CCDC91: variants seen among roughly 807,000 people sequenced by gnomAD.
CCDC91 encodes coiled-coil domain containing 91.
In CCDC91, 48 loss-of-function variants were observed where a neutral mutation model predicts 63.2. The ratio of observed to expected loss-of-function variants is 0.76; its 90% CI spans 0.60 to 0.97. The LOEUF is 0.97. Among genes scored for constraint, CCDC91 ranks in the 50% least tolerant of loss-of-function variants. CCDC91 has a pLI of 0.00. For synonymous variants in CCDC91, 167 were observed against 165.8 expected (o/e 1.01, Z -0.06); for missense variants, 500 against 494.6 (o/e 1.01, Z -0.10).
At chr12:28,473,960 G>C (rs1205289621) in intron 11 of CCDC91, among the ~76,000 whole-genome samples, 2 of 136,488 alleles carry the variant, frequency 1.5e-5, no homozygotes, top group Non-Finnish European at 3.1e-5. Context: ...TTTAGTTGTA[G>C]TGTGCATGTG....
intron 12 of CCDC91, among the ~76,000 whole-genome samples, chr12:28,522,186 T>C (rs1592944275): frequency 3.3e-5 from 5 of 152,332 alleles, no homozygotes; most frequent in African/African-American, 1.2e-4. Context: ...AATTCGGCTG[T>C]GAATCCATCT....
chr12:28,448,767 A>G (rs922596856), intron 8 of CCDC91, among the ~76,000 whole-genome samples: 8 of 152,020 alleles, frequency 5.3e-5, no homozygotes, highest in Non-Finnish European at 2.9e-5. Context: ...ACCTCTTCCC[A>G]AGCCTAAATT....
At chr12:28,414,918 A>C (rs1947543594) in intron 8 of CCDC91, among the ~76,000 whole-genome samples, 1 of 152,156 alleles carries the variant, frequency 6.6e-6, no homozygotes, top group South Asian at 2.1e-4. Context: ...CAATGAAAAA[A>C]CCCGTTCCTC....
At chr12:28,442,543 T>C (rs183539387) in intron 8 of CCDC91, among the ~76,000 whole-genome samples, 1 of 152,244 alleles carries the variant, frequency 6.6e-6, no homozygotes, top group African/African-American at 2.4e-5. Context: ...TAGAGTGATC[T>C]GAAAAAGATT....
chr12:28,484,287 A>G (rs1312089894), intron 12 of CCDC91, 122 bp downstream of exon 12: 1 of 472,124 alleles, frequency 2.1e-6, no homozygotes, highest in African/African-American at 2.0e-5. Flanking sequence ...ACGGATCTTC[A>G]TCTAAGGATA....
intron 1 of CCDC91, among the ~76,000 whole-genome samples, chr12:28,249,781 T>G (rs562466001): frequency 1.3e-5 from 2 of 152,214 alleles, no homozygotes; most frequent in Non-Finnish European, 2.9e-5. Flanking sequence ...CAATCACATT[T>G]CCTTCTATTG....
chr12:28,467,575 A>G (rs529256005), intron 11 of CCDC91, among the ~76,000 whole-genome samples: 11 of 152,188 alleles, frequency 7.2e-5, no homozygotes, highest in Admixed American at 3.3e-4. Context: ...CAACAAATCA[A>G]CACTGGAGTT....
chr12:28,239,639 G>C (rs1306354857), intron 1 of CCDC91, among the ~76,000 whole-genome samples: 2 of 152,164 alleles, frequency 1.3e-5, no homozygotes, highest in African/African-American at 4.8e-5. Context: ...ATAAACTCAT[G>C]CTGAAACTTC....
chr12:28,260,620 C>T (rs1382696627), intron 3 of CCDC91, among the ~76,000 whole-genome samples: 1 of 151,808 alleles, frequency 6.6e-6, no homozygotes, highest in Non-Finnish European at 1.5e-5. Flanking sequence ...TCTACGTGCA[C>T]CTATTATCTG....
intron 3 of CCDC91, among the ~76,000 whole-genome samples, chr12:28,304,440 A>AAGCT (rs1352413639): frequency 1.3e-5 from 2 of 150,182 alleles, no homozygotes; most frequent in African/African-American, 4.9e-5. Context: ...CCTATGGGTG[A>AAGCT]AGCTAGACTA....
intron 8 of CCDC91, among the ~76,000 whole-genome samples, chr12:28,420,185 T>C (rs1263142628): frequency 6.6e-6 from 1 of 152,096 alleles, no homozygotes; most frequent in Non-Finnish European, 1.5e-5. Context: ...TGGATTTGAT[T>C]CCAGATCTAA....
At chr12:28,456,671 T>G (rs1240227069) in intron 11 of CCDC91, among the ~76,000 whole-genome samples, 1 of 152,142 alleles carries the variant, frequency 6.6e-6, no homozygotes, top group Non-Finnish European at 1.5e-5. Context: ...TCAGAATAAC[T>G]GACTGGATGG....
intron 12 of CCDC91, among the ~76,000 whole-genome samples, chr12:28,540,141 A>G (rs189016504): frequency 2.9e-4 from 44 of 152,190 alleles, no homozygotes; most frequent in Admixed American, 2.5e-3. Context: ...TGTACCCCAC[A>G]TTGTCTTTAT....
chr12:28,267,889 TA>T (rs1947416631), intron 3 of CCDC91, among the ~76,000 whole-genome samples: 1 of 50,598 alleles, frequency 2.0e-5, no homozygotes, highest in Non-Finnish European at 4.4e-5. Flanking sequence ...ATAATTATTA[TA>T]ATTATATATA....
intron 8 of CCDC91, among the ~76,000 whole-genome samples, chr12:28,437,724 T>C (rs183338005): frequency 6.6e-6 from 1 of 152,226 alleles, no homozygotes; most frequent in East Asian, 1.9e-4. Context: ...GTGCCTCTTA[T>C]CACTGGTTTC....
chr12:28,500,272 A>T (rs1037860144), intron 12 of CCDC91, among the ~76,000 whole-genome samples: 1 of 151,076 alleles, frequency 6.6e-6, no homozygotes, highest in African/African-American at 2.4e-5. Flanking sequence ...GATTGCAAAA[A>T]TTTTCTCCCA....
chr12:28,383,782 T>C (rs910040751), intron 7 of CCDC91, among the ~76,000 whole-genome samples: 3 of 152,144 alleles, frequency 2.0e-5, no homozygotes, highest in Non-Finnish European at 4.4e-5. Flanking sequence ...CCAACAAAAT[T>C]TTCTGAAACG....
chr12:28,272,878 GT>G (rs1221938839), intron 3 of CCDC91, among the ~76,000 whole-genome samples: 1 of 151,958 alleles, frequency 6.6e-6, no homozygotes, highest in South Asian at 2.1e-4. Context: ...TAGAGTACGT[GT>G]GCACAATGTG....
chr12:28,383,124 T>A (rs1945393456), intron 7 of CCDC91, among the ~76,000 whole-genome samples: 1 of 152,128 alleles, frequency 6.6e-6, no homozygotes, highest in Non-Finnish European at 1.5e-5. Flanking sequence ...TGTTACTAGA[T>A]TCCCTTAACA....
Sources: allele counts gnomAD v4.1 joint callset (sites outside exome capture counted in the v4.1 genomes callset), GRCh38; gene constraint gnomAD v4.1.1; transcripts MANE v1.5; gene names NCBI Gene and HGNC (gene_info 2026-07-23, HGNC 2026-07-21).